The following TRPS1 variants were observed in gnomAD, a reference collection of about 807,000 sequenced individuals.
The protein encoded by TRPS1 is transcriptional repressor GATA binding 1.
In TRPS1, 6 loss-of-function variants were observed where a neutral mutation model predicts 101.2. That is an observed-to-expected ratio of 0.06 (90% CI 0.03 to 0.12). TRPS1 has a LOEUF of 0.12. Ranked by LOEUF, TRPS1 falls within the 10% of genes least tolerant of loss-of-function variation. The probability of loss-of-function intolerance (pLI) is 1.00; values close to 1 mark genes in which losing one functional copy is unlikely to be tolerated. For synonymous variants in TRPS1, 578 were observed against 589.8 expected, an observed-to-expected ratio of 0.98 and a Z score of 0.29; for missense variants, 1,363 against 1,567.0, an observed-to-expected ratio of 0.87 and a Z score of 2.20.
chr8:115,660,746 T>C (rs1811774670), intron 1 of TRPS1, among the ~76,000 whole-genome samples: 1 of 151,962 alleles, frequency 6.6e-6, no homozygotes, highest in Non-Finnish European at 1.5e-5. Context: ...AATATGTACA[T>C]TAACTTCTGA....
intron 5 of TRPS1, among the ~76,000 whole-genome samples, chr8:115,498,409 C>CTATATATATATATA (rs1815212488): frequency 1.2e-5 from 1 of 80,962 alleles, no homozygotes; most frequent in Admixed American, 1.3e-4. Flanking sequence ...CTCTCTCTCT[C>CTATATATATATATA]TCTCTCTATA....
At chr8:115,565,914 GA>G (rs1442851927) in intron 5 of TRPS1, among the ~76,000 whole-genome samples, 27 of 152,162 alleles carry the variant, frequency 1.8e-4, no homozygotes, top group African/African-American at 6.5e-4. Flanking sequence ...TTAAAAGGAC[GA>G]AAGACATTTA....
rs1039015002 is a variant in TRPS1 at position 115,547,075 on chromosome 8, T to C, written c.2700+39926A>G. Among the ~76,000 whole-genome samples, 9 of 152,316 alleles carry C rather than the reference T, an allele frequency of 5.9e-5. No homozygotes were observed. The East Asian group carries it at 1.7e-3, about 29-fold the overall frequency. On this transcript the variant is annotated intron_variant, in intron 5 of 6. Coordinates refer to ENST00000395715, the MANE Select transcript of TRPS1 (RefSeq NM_014112.5). ...AATCTAGCATCCAAATTACGGGATGTTTACTTAATTTTACTTTTTAATTAT... is the reference window on the plus strand; with the variant it reads ...AATCTAGCATCCAAATTACGGGATGCTTACTTAATTTTACTTTTTAATTAT...
intron 5 of TRPS1, among the ~76,000 whole-genome samples, chr8:115,462,605 G>A (rs1412967819): frequency 6.8e-6 from 1 of 146,372 alleles, no homozygotes; most frequent in Non-Finnish European, 1.5e-5. Flanking sequence ...AAATAAAGAG[G>A]TTTTTGTTGT....
intron 5 of TRPS1, among the ~76,000 whole-genome samples, chr8:115,558,170 C>G (rs887021357): frequency 5.3e-5 from 8 of 151,794 alleles, no homozygotes; most frequent in Non-Finnish European, 8.8e-5. Flanking sequence ...GTGAGATATT[C>G]TGTAAACTCT....
rs1812826418 is a variant in TRPS1, at chr8:115,413,074, T to C, written c.*949A>G. The stretch of plus-strand genomic sequence containing the variant: ...GAAATGCCATGTGTTCTAAACAAAT[T>C]AAACCCACGGTCTGACATTTGTATC... On this transcript the variant is annotated 3_prime_UTR_variant, in exon 7 of 7. Transcript: ENST00000395715. 1 of 152,328 alleles carries C rather than the reference T, an allele frequency of 6.6e-6. No homozygotes were observed. Among genetic ancestry groups the C allele is most frequent in the Non-Finnish European group, 1.5e-5 (1 of 67,988 alleles). The allele number at this position is 152,328 out of a possible 1,614,324, so 9.4% of individuals were successfully genotyped here. A position where few individuals can be genotyped will look rare whatever the true frequency, so the allele number is the denominator to read the frequency against.
intron 1 of TRPS1, among the ~76,000 whole-genome samples, chr8:115,629,923 C>T (rs1818601585): frequency 6.6e-6 from 1 of 151,684 alleles, no homozygotes; most frequent in Non-Finnish European, 1.5e-5. Context: ...TATTATAGAC[C>T]CTATCTCACC....
intron 5 of TRPS1, among the ~76,000 whole-genome samples, chr8:115,520,172 T>C (rs1261275675): frequency 6.6e-6 from 1 of 151,732 alleles, no homozygotes; most frequent in African/African-American, 2.4e-5. Flanking sequence ...GCAGTTTTAA[T>C]TACATGAGGT....
At chr8:115,634,960 C>A (rs1260574000) in intron 1 of TRPS1, among the ~76,000 whole-genome samples, 1 of 148,960 alleles carries the variant, frequency 6.7e-6, no homozygotes, top group East Asian at 1.9e-4. Context: ...AAGTGGAATT[C>A]TCCTTCATGA....
Position 115,487,070 on chromosome 8 carries a change from C to T in TRPS1, c.2701-68618G>A, listed in dbSNP as rs572836380. 9.8e-5 allele frequency among the ~76,000 whole-genome samples: 15 copies of T among 152,290 alleles called. No individual in the cohort carries two copies. In the South Asian group the frequency reaches 2.9e-3, roughly 29 times the overall value. ...CTGAGTCTCTTTTTAAGGGCTAATA[C>T]AGCTGCTGACTTGAAATTCAAGCCA... On this transcript the variant is annotated intron_variant, in intron 5 of 6. Coordinates refer to ENST00000395715, the MANE Select transcript of TRPS1 (RefSeq NM_014112.5).
chr8:115,475,654 C>CTTTAGCAGTGCTATCTCG (rs11274460), intron 5 of TRPS1, among the ~76,000 whole-genome samples: 10,160 of 151,728 alleles, frequency 0.067, 1,184 homozygotes, highest in African/African-American at 0.23. Flanking sequence ...CAGACATAAA[C>CTTTAGCAGTGCTATCTCG]TTTAGCAGTG....
intron 5 of TRPS1, among the ~76,000 whole-genome samples, chr8:115,496,400 G>A (rs1226997049): frequency 6.6e-6 from 1 of 152,038 alleles, no homozygotes. Context: ...CAGAAAAGAA[G>A]AGCCTACATC....
At chr8:115,542,707 T>A (rs1412433895) in intron 5 of TRPS1, among the ~76,000 whole-genome samples, 1 of 152,060 alleles carries the variant, frequency 6.6e-6, no homozygotes, top group Non-Finnish European at 1.5e-5. Flanking sequence ...AATTTCCACA[T>A]CTGTAAAATG....
chr8:115,659,547 T>A (rs1454498875), intron 1 of TRPS1, among the ~76,000 whole-genome samples: 1 of 151,916 alleles, frequency 6.6e-6, no homozygotes, highest in African/African-American at 2.4e-5. Flanking sequence ...AATTTAGTAA[T>A]ATGGGCCTTG....
intron 5 of TRPS1, among the ~76,000 whole-genome samples, chr8:115,571,835 A>G (rs1586415538): frequency 6.6e-6 from 1 of 152,048 alleles, no homozygotes; most frequent in Non-Finnish European, 1.5e-5. Flanking sequence ...TCATTTTTAA[A>G]TGGGTATTCA....
At chr8:115,570,527 C>A (rs1247208062) in intron 5 of TRPS1, among the ~76,000 whole-genome samples, 1 of 151,924 alleles carries the variant, frequency 6.6e-6, no homozygotes, top group Non-Finnish European at 1.5e-5. Flanking sequence ...ATGCACAGCC[C>A]TCAGGAGCTC....
chr8:115,462,636 TCTC>T lies in TRPS1; in HGVS notation c.2701-44187_2701-44185del, dbSNP rs139567327. Among the ~76,000 whole-genome samples, 3 of 84,188 alleles carry T rather than the reference TCTC, an allele frequency of 3.6e-5. 1 individual carries two copies. Among genetic ancestry groups the T allele is most frequent in the African/African-American group, 1.3e-4 (3 of 23,892 alleles). 55.2% of individuals were successfully genotyped at this position (84,188 alleles called of 152,430 possible). ...GTTGTTTTTCTTTTCTCTCTCTCTC[TCTC>T]TCTTTTTTTTTTTTTTTTCATCATC... On this transcript the variant is annotated intron_variant, in intron 5 of 6. Coordinates refer to ENST00000395715, the MANE Select transcript of TRPS1 (RefSeq NM_014112.5).
intron 5 of TRPS1, among the ~76,000 whole-genome samples, chr8:115,448,464 G>C (rs1341186820): frequency 1.3e-5 from 2 of 152,120 alleles, no homozygotes; most frequent in African/African-American, 4.8e-5. Context: ...GTCAGAACGA[G>C]TGCTGACAGC....
chr8:115,420,946 G>A (rs1813036076), intron 5 of TRPS1, among the ~76,000 whole-genome samples: 2 of 151,658 alleles, frequency 1.3e-5, no homozygotes, highest in Non-Finnish European at 2.9e-5. Context: ...ATCTTTCAAT[G>A]CTTAAAGTTC....
Sources: allele counts gnomAD v4.1 joint callset (sites outside exome capture counted in the v4.1 genomes callset), GRCh38; gene constraint gnomAD v4.1.1; transcripts MANE v1.5; gene names NCBI Gene and HGNC (gene_info 2026-07-23, HGNC 2026-07-21).